Variants in SLIRP observed in about 807,000 individuals in gnomAD.
SLIRP encodes SRA stem-loop interacting RNA binding protein.
A neutral mutation model predicts 13.4 loss-of-function variants in SLIRP; 12 were observed. The observed-to-expected ratio is 0.89, with a 90% CI of 0.57 to 1.45. SLIRP has a LOEUF of 1.45. Ranked by LOEUF, SLIRP falls within the 40% of genes most tolerant of loss-of-function variation. SLIRP has a pLI of 0.00. For missense variants in SLIRP, 154 were observed against 132.2 expected (o/e 1.17, Z -0.81); for synonymous variants, 55 against 47.1 (o/e 1.17, Z -0.69).
chr14:77,715,701 A>T, intron 2 of SLIRP, 71 bp from the exon 3 acceptor site: 1 of 1,246,842 alleles, frequency 8.0e-7, no homozygotes, highest in Non-Finnish European at 1.1e-6. Flanking sequence ...AAAAGTTGGT[A>T]GTTTGATTTG....
In SLIRP at chr14:77,715,912, A is replaced by G. The variant is rs369050459; in HGVS notation, c.264+33A>G. 2.0e-5 allele frequency: 28 copies of G among 1,382,836 alleles called. No individual in the cohort carries two copies. The African/African-American group carries it at 3.4e-4, about 17-fold the overall frequency. The allele number at this position is 1,382,836 out of a possible 1,614,324, so 85.7% of individuals were successfully genotyped here. On this transcript the variant is annotated intron_variant, in intron 3 of 3. Transcript: ENST00000557342. ...TATTTCTATGCCAGATACATACATG[A>G]TATACATGTAGGTACTATTTAATTA...
At chr14:77,708,480 G>A (rs1360793205) in intron 1 of SLIRP, among the ~76,000 whole-genome samples, 1 of 152,208 alleles carries the variant, frequency 6.6e-6, no homozygotes, top group Non-Finnish European at 1.5e-5. Context: ...ATTTAGAAGG[G>A]ATAATTTTGA....
At chr14:77,714,935 A>G (rs1186075412) in intron 2 of SLIRP, among the ~76,000 whole-genome samples, 1 of 152,148 alleles carries the variant, frequency 6.6e-6, no homozygotes, top group Non-Finnish European at 1.5e-5. Context: ...TCCGTATGCG[A>G]TGTATAGGTT....
At chr14:77,713,637 G>A (rs1158535585) in intron 2 of SLIRP, among the ~76,000 whole-genome samples, 1 of 152,110 alleles carries the variant, frequency 6.6e-6, no homozygotes, top group Non-Finnish European at 1.5e-5. Flanking sequence ...GAAATGTGTG[G>A]TCAAGAATAT....
chr14:77,715,464 G>A (rs569059434), intron 2 of SLIRP, among the ~76,000 whole-genome samples: 1 of 141,842 alleles, frequency 7.1e-6, no homozygotes, highest in South Asian at 2.4e-4. Context: ...GGTAAGATGG[G>A]AAGACCCCAT....
chr14:77,708,236 G>A (rs761688474), intron 1 of SLIRP, 28 bp downstream of exon 1: 21 of 1,605,614 alleles, frequency 1.3e-5, no homozygotes, highest in Admixed American at 1.2e-4. Context: ...GGGAGTAGTG[G>A]AATTTTTAGG....
chr14:77,710,430 A>C, intron 1 of SLIRP: 1 of 484,022 alleles, frequency 2.1e-6, no homozygotes, highest in South Asian at 1.7e-5. Context: ...AGGTGAGGGC[A>C]ACTCAACACA....
At chr14:77,716,599 G>A (rs943578158) in intron 3 of SLIRP, among the ~76,000 whole-genome samples, 11 of 133,686 alleles carry the variant, frequency 8.2e-5, no homozygotes, top group Non-Finnish European at 9.3e-5. Flanking sequence ...CTAAAATCGC[G>A]CCATTGCACT....
At chr14:77,708,913 C>A (rs10143534) in intron 1 of SLIRP, among the ~76,000 whole-genome samples, 1,525 of 152,234 alleles carry the variant, frequency 0.01, 34 homozygotes, top group African/African-American at 0.035. Context: ...GCCATTTAAT[C>A]GTTGTTATCA....
chr14:77,710,669 C>G (rs1039302825), intron 1 of SLIRP, 169 bp from the exon 2 acceptor site: 3 of 1,543,776 alleles, frequency 1.9e-6, no homozygotes, highest in Non-Finnish European at 2.6e-6. Flanking sequence ...AAGTCTGGTA[C>G]ATTATGGCTT....
At position 77,708,142 on chromosome 14, in the gene SLIRP, G is replaced by A; in HGVS notation, c.31G>A (p.Ala11Thr). The change falls in exon 1 of 4, where the codon GCG (alanine) becomes ACG (threonine). Residue 11 changes from alanine (A) to threonine (T), a missense_variant. Transcript: ENST00000557342. ...GGCCTCAGCAGCGAGAGGTGCTGCGGCGCTGCGTAGAAGTATCAATCAGCC... is the reference window on the plus strand; with the variant it reads ...GGCCTCAGCAGCGAGAGGTGCTGCGACGCTGCGTAGAAGTATCAATCAGCC... MAASAARGAA[A>T]LRRSINQPVA... 1.2e-6 allele frequency: 2 copies of A among 1,614,038 alleles called. No homozygotes were observed. Among genetic ancestry groups the A allele is most frequent in the Non-Finnish European group, 1.7e-6 (2 of 1,179,922 alleles).
In SLIRP at chr14:77,716,044, C is replaced by T. The variant is rs116302224; in HGVS notation, c.264+165C>T. ...AGAATGGTGGGGTGGAGGCTGGGCA[C>T]GGTGGCTCACGCCTGTAATCCCAGC... On this transcript the variant is annotated intron_variant, in intron 3 of 3. Transcript: ENST00000557342. The T allele has an allele frequency of 4.9e-3, 2,861 of 588,876 alleles. 70 individuals carry two copies. The African/African-American group carries it at 0.049, about 10-fold the overall frequency. The allele number at this position is 588,876 out of a possible 1,614,324, so 36.5% of individuals were successfully genotyped here. A position where few individuals can be genotyped will look rare whatever the true frequency, so the allele number is the denominator to read the frequency against.
chr14:77,713,988 C>G (rs1413361921), intron 2 of SLIRP, among the ~76,000 whole-genome samples: 2 of 151,770 alleles, frequency 1.3e-5, no homozygotes, highest in Non-Finnish European at 2.9e-5. Flanking sequence ...TTTTTTTGTT[C>G]CATTCATTGT....
chr14:77,713,674 G>A (rs1436103098), intron 2 of SLIRP, among the ~76,000 whole-genome samples: 1 of 152,012 alleles, frequency 6.6e-6, no homozygotes, highest in East Asian at 1.9e-4. Context: ...TTAATGTCAA[G>A]TAAGAAGAAG....
intron 1 of SLIRP, among the ~76,000 whole-genome samples, chr14:77,709,158 G>T (rs977732302): frequency 1.3e-5 from 2 of 152,170 alleles, no homozygotes; most frequent in African/African-American, 4.8e-5. Flanking sequence ...ATAAAGGTTG[G>T]AATAATTAGT....
intron 1 of SLIRP, 115 bp from the exon 2 acceptor site, chr14:77,710,723 G>A: frequency 1.9e-6 from 3 of 1,582,912 alleles, no homozygotes; most frequent in Admixed American, 3.4e-5. Flanking sequence ...AAGCCTTTAA[G>A]GAAATGCAAA....
intron 2 of SLIRP, among the ~76,000 whole-genome samples, chr14:77,711,208 T>TATATATAA (rs144002392): frequency 6.8e-6 from 1 of 147,816 alleles, no homozygotes; most frequent in African/African-American, 2.5e-5. Context: ...TACATATTTA[T>TATATATAA]ATATATAAAT....
Position 77,710,900 on chromosome 14 carries a change from A to G in SLIRP, c.156+4A>G. 1 of 1,614,078 alleles carries G rather than the reference A, an allele frequency of 6.2e-7. No homozygotes were observed. Among genetic ancestry groups the G allele is most frequent in the Non-Finnish European group, 8.5e-7 (1 of 1,179,964 alleles). On this transcript the variant is annotated splice_donor_region_variant and intron_variant, in intron 2 of 3. Coordinates refer to ENST00000557342, the MANE Select transcript of SLIRP (RefSeq NM_031210.6). ...CAGAAGGTGCATTTTACCTTTTGTA[A>G]GTATTAAGGAAAAGTAGGTGGGAGG...
rs774647029 is a variant in SLIRP, at chr14:77,717,548, A to G, written c.317A>G (p.Lys106Arg). 4 of 1,613,702 alleles carry G rather than the reference A, an allele frequency of 2.5e-6. No individual in the cohort carries two copies. The highest frequency in any genetic ancestry group is 3.3e-5 in the Admixed American group (2 of 59,974). Residue 106 changes from lysine to arginine, a missense_variant, in exon 4 of 4, where the codon AAG (lysine) becomes AGG (arginine). Physicochemically the swap from Lys to Arg is conservative, Grantham distance 26 (BLOSUM62 2). Coordinates refer to ENST00000557342, the MANE Select transcript of SLIRP (RefSeq NM_031210.6). ...PKLPQTSDDEKKDF is the reference protein window; with the variant it reads ...PKLPQTSDDERKDF ...CTTCCGCAAACATCTGATGATGAAA[A>G]GAAAGATTTTTGAGACTGCAGCCTA... is the stretch of plus-strand genomic sequence containing the variant.
Sources: allele counts gnomAD v4.1 joint callset (sites outside exome capture counted in the v4.1 genomes callset), GRCh38; gene constraint gnomAD v4.1.1; transcripts MANE v1.5; gene names NCBI Gene and HGNC (gene_info 2026-07-23, HGNC 2026-07-21).